Variants in NAV2 observed in about 807,000 individuals in gnomAD.
NAV2 encodes helicase, APC down-regulated 1.
In NAV2, 54 loss-of-function variants were observed where a neutral mutation model predicts 223.2. That is an observed-to-expected ratio of 0.24 (90% CI 0.19 to 0.30). NAV2 has a LOEUF of 0.30. Among genes scored for constraint, NAV2 ranks in the 10% least tolerant of loss-of-function variants. NAV2 has a pLI of 1.00. For missense variants in NAV2, 2,806 were observed against 3,147.5 expected, an observed-to-expected ratio of 0.89 and a Z score of 2.60; for synonymous variants, 1,279 against 1,239.3, an observed-to-expected ratio of 1.03 and a Z score of -0.67.
At chr11:19,349,516 C>T (rs191551697), upstream of NAV2, among the ~76,000 whole-genome samples, 11 of 152,264 alleles carry the variant, frequency 7.2e-5, no homozygotes, top group African/African-American at 2.2e-4. Flanking sequence ...GTACCCGCTG[C>T]GGCCGGATCT....
At chr11:19,445,839 G>A (rs1851564450) in intron 1 of NAV2, among the ~76,000 whole-genome samples, 1 of 151,244 alleles carries the variant, frequency 6.6e-6, no homozygotes, top group Non-Finnish European at 1.5e-5. Flanking sequence ...TCTAAACAGA[G>A]CAACCATATC....
At position 19,462,454 on chromosome 11, in the gene NAV2, G is replaced by C. The variant is rs115076292; in HGVS notation, c.75+111427G>C. On this transcript the variant is annotated intron_variant, in intron 1 of 37. Transcript: ENST00000360655. ...TGGTGTAATTAAGAGCTAGGATTCAGACACAACGTGCCACCAAAAGAGTAA... is the reference window on the plus strand; with the variant it reads ...TGGTGTAATTAAGAGCTAGGATTCACACACAACGTGCCACCAAAAGAGTAA... Among the ~76,000 whole-genome samples, 1,100 of 152,302 alleles carry C rather than the reference G, an allele frequency of 7.2e-3. 18 individuals are homozygous for C. The highest frequency in any genetic ancestry group is 0.025 in the African/African-American group (1,043 of 41,560).
At chr11:19,806,821 T>C (rs79284264) in intron 1 of NAV2, among the ~76,000 whole-genome samples, 2,657 of 152,316 alleles carry the variant, frequency 0.017, 35 homozygotes, top group Middle Eastern at 0.051. Flanking sequence ...AAGAAGTAAC[T>C]TGGGTGTCAG....
At chr11:19,678,743 A>C (rs764615954) in intron 1 of NAV2, among the ~76,000 whole-genome samples, 7 of 152,240 alleles carry the variant, frequency 4.6e-5, no homozygotes, top group Non-Finnish European at 1.0e-4. Flanking sequence ...TAGCCATTCA[A>C]ATGTTGAGCA....
chr11:19,883,095 T>C (rs12273294), intron 5 of NAV2, among the ~76,000 whole-genome samples: 4,280 of 152,260 alleles, frequency 0.028, 210 homozygotes, highest in African/African-American at 0.099. Context: ...TGTCAAATGT[T>C]GATGCAAACC....
At chr11:19,636,750 G>A (rs981890731) in intron 1 of NAV2, among the ~76,000 whole-genome samples, 2 of 152,172 alleles carry the variant, frequency 1.3e-5, no homozygotes, top group Non-Finnish European at 2.9e-5. Context: ...GATTATAGGC[G>A]TGAGCCACCG....
At chr11:19,365,364 C>T (rs894725970) in intron 1 of NAV2, among the ~76,000 whole-genome samples, 1 of 152,252 alleles carries the variant, frequency 6.6e-6, no homozygotes, top group African/African-American at 2.4e-5. Flanking sequence ...CATCATTTCA[C>T]TGAATCACCT....
intron 1 of NAV2, among the ~76,000 whole-genome samples, chr11:19,569,073 A>T (rs1163998682): frequency 6.6e-6 from 1 of 152,198 alleles, no homozygotes; most frequent in African/African-American, 2.4e-5. Flanking sequence ...ATCCTGGGTG[A>T]GGGAATGGTA....
At chr11:19,536,321 A>G (rs1272249938) in intron 1 of NAV2, among the ~76,000 whole-genome samples, 7 of 152,200 alleles carry the variant, frequency 4.6e-5, no homozygotes, top group Admixed American at 1.3e-4. Context: ...TGTCGACTGC[A>G]CTATGCTGGC....
chr11:19,815,106 G>A (rs1021765041), intron 1 of NAV2, among the ~76,000 whole-genome samples: 7 of 152,270 alleles, frequency 4.6e-5, no homozygotes, highest in Non-Finnish European at 8.8e-5. Flanking sequence ...AGATAAGAAC[G>A]ATGTGGGTAT....
intron 30 of NAV2, among the ~76,000 whole-genome samples, chr11:20,096,175 T>C (rs909141186): frequency 6.6e-6 from 1 of 152,218 alleles, no homozygotes; most frequent in Admixed American, 6.5e-5. Flanking sequence ...TTTGATCTGA[T>C]TTTCCCGGTA....
chr11:20,036,413 A>T (rs1000540581), intron 12 of NAV2, among the ~76,000 whole-genome samples: 1 of 152,222 alleles, frequency 6.6e-6, no homozygotes, highest in Non-Finnish European at 1.5e-5. Context: ...AGGATGTGGG[A>T]CTTTAGCAAT....
chr11:19,654,381 GAAAAAACTACTTT>G (rs945562033), intron 1 of NAV2, among the ~76,000 whole-genome samples: 1 of 152,026 alleles, frequency 6.6e-6, no homozygotes, highest in African/African-American at 2.4e-5. Context: ...CACAGAATTG[GAAAAAACTACTTT>G]AAAGTTCATA....
chr11:19,880,098 G>A lies in NAV2; in HGVS notation c.741G>A (p.Gln247=), dbSNP rs1347249152. 7 of 1,604,356 alleles carry A rather than the reference G, an allele frequency of 4.4e-6. No homozygotes were observed. The highest frequency in any genetic ancestry group is 6.0e-6 in the Non-Finnish European group (7 of 1,174,040). The change falls in exon 5 of 38, where the codon CAG becomes CAA. Residue 247 remains glutamine (Q), a synonymous_variant. Transcript: ENST00000349880. The part of the protein sequence containing the change: ...CQPHQPAPHQ[Q]SKAQAEMQSR... ...CTCACCAGCCAGCGCCACATCAGCA[G>A]TCAAAAGCACAAGCTGAAATGCAGT...
intron 1 of NAV2, among the ~76,000 whole-genome samples, chr11:19,459,471 G>T (rs1004524136): frequency 6.6e-6 from 1 of 152,186 alleles, no homozygotes; most frequent in Non-Finnish European, 1.5e-5. Context: ...AATCACTGTG[G>T]CCTGGGGGAG....
chr11:19,351,622 C>T (rs11025105), intron 1 of NAV2, among the ~76,000 whole-genome samples: 12,413 of 151,788 alleles, frequency 0.082, 966 homozygotes, highest in East Asian at 0.3. Flanking sequence ...AAGGCAGACG[C>T]GTTGTGGAGT....
At chr11:20,040,727 A>G (rs1319303481) in intron 12 of NAV2, among the ~76,000 whole-genome samples, 2 of 152,160 alleles carry the variant, frequency 1.3e-5, no homozygotes, top group East Asian at 3.9e-4. Context: ...GAAAGGAGGT[A>G]CCATTGAGAT....
At chr11:19,923,465 T>C (rs2044458216) in intron 6 of NAV2, among the ~76,000 whole-genome samples, 1 of 152,198 alleles carries the variant, frequency 6.6e-6, no homozygotes, top group African/African-American at 2.4e-5. Context: ...CTTCTTTCTT[T>C]TACTGTCTAT....
At chr11:19,773,907 T>A (rs1300496903) in intron 1 of NAV2, among the ~76,000 whole-genome samples, 1 of 152,208 alleles carries the variant, frequency 6.6e-6, no homozygotes, top group Non-Finnish European at 1.5e-5. Flanking sequence ...TACTAGGTCT[T>A]CTTAAAATGG....
Sources: gnomAD v4.1 joint callset for allele counts (sites outside exome capture counted in the v4.1 genomes callset) on GRCh38, gnomAD v4.1.1 for gene constraint, MANE v1.5 for transcripts, NCBI Gene and HGNC (gene_info 2026-07-23, HGNC 2026-07-21) for gene names.